The following MAPK8 variants were observed in gnomAD, a reference collection of about 807,000 sequenced individuals.
MAPK8 encodes the protein mitogen-activated protein kinase 8.
In MAPK8, 13 loss-of-function variants were observed where a neutral mutation model predicts 52.9. That is an observed-to-expected ratio of 0.25 (90% CI 0.16 to 0.39). The LOEUF is 0.39. MAPK8 is among the 10% of genes least tolerant of loss of function. MAPK8 has a pLI of 1.00. For missense variants in MAPK8, 300 were observed against 519.2 expected (o/e 0.58, Z 4.10); for synonymous variants, 191 against 169.8 (o/e 1.12, Z -0.97).
chr10:48,376,871 A>G lies in MAPK8; in HGVS notation c.-49-24741A>G, dbSNP rs983969675. ...ACCCAGCAATCCCATTACTGGTTAC[A>G]TACCCAAAGGATTATAAATCATTCT... is the stretch of plus-strand genomic sequence containing the variant. On this transcript the variant is annotated intron_variant, in intron 1 of 11. Transcript: ENST00000374189. Among the ~76,000 whole-genome samples, 4 of 152,240 alleles carry G rather than the reference A, an allele frequency of 2.6e-5. No individual in the cohort carries two copies. The East Asian group carries it at 7.7e-4, about 29-fold the overall frequency.
chr10:48,349,387 C>T (rs555555242), intron 1 of MAPK8, among the ~76,000 whole-genome samples: 29 of 152,300 alleles, frequency 1.9e-4, no homozygotes, highest in Admixed American at 5.9e-4. Context: ...AAACACTCCT[C>T]AGCAAATGCA....
chr10:48,420,352 C>A, intron 6 of MAPK8, 32 bp downstream of exon 6: 1 of 1,533,232 alleles, frequency 6.5e-7, no homozygotes, highest in Non-Finnish European at 8.8e-7. Flanking sequence ...AAATATTTTT[C>A]TGATTTAGCT....
chr10:48,415,945 A>G (rs961365162), intron 5 of MAPK8, among the ~76,000 whole-genome samples: 13 of 152,322 alleles, frequency 8.5e-5, no homozygotes, highest in African/African-American at 2.4e-4. Context: ...AATGAGATCT[A>G]CTGGGGTCTG....
chr10:48,407,945 C>T (rs1265494045), intron 3 of MAPK8, among the ~76,000 whole-genome samples: 2 of 152,134 alleles, frequency 1.3e-5, no homozygotes, highest in African/African-American at 4.8e-5. Context: ...GGTTGGTAGA[C>T]TTGAACTTAT....
chr10:48,337,255 C>T (rs1844777687), intron 1 of MAPK8, among the ~76,000 whole-genome samples: 1 of 152,128 alleles, frequency 6.6e-6, no homozygotes. Context: ...AGAAATCATA[C>T]CAAGCATCTG....
intron 1 of MAPK8, among the ~76,000 whole-genome samples, chr10:48,350,637 A>G (rs938653083): frequency 2.6e-5 from 4 of 152,240 alleles, no homozygotes; most frequent in Non-Finnish European, 5.9e-5. Flanking sequence ...AAAGCTGTTT[A>G]TGACAAACCC....
At chr10:48,353,430 C>T (rs1846534043) in intron 1 of MAPK8, among the ~76,000 whole-genome samples, 1 of 152,156 alleles carries the variant, frequency 6.6e-6, no homozygotes, top group Non-Finnish European at 1.5e-5. Flanking sequence ...AGAAATAGCT[C>T]CACACAAGTA....
At chr10:48,342,611 A>C (rs1324312724) in intron 1 of MAPK8, among the ~76,000 whole-genome samples, 7 of 152,198 alleles carry the variant, frequency 4.6e-5, no homozygotes, top group Non-Finnish European at 8.8e-5. Flanking sequence ...GGTAGCTTGA[A>C]ATGTAGTCGT....
Position 48,437,043 on chromosome 10 carries a change from A to C in MAPK8, c.*2014A>C, listed in dbSNP as rs562113759. 6.6e-6 allele frequency: 1 copy of C among 152,344 alleles called. No individual in the cohort carries two copies. Among genetic ancestry groups the C allele is most frequent in the East Asian group, 1.9e-4 (1 of 5,188 alleles). The allele number at this position is 152,344 out of a possible 1,614,324, so 9.4% of individuals were successfully genotyped here. On this transcript the variant is annotated 3_prime_UTR_variant, in exon 12 of 12. Transcript: ENST00000374189. ...TCATATTTTATGTTTGATTGCTGAT[A>C]AGCCATCTCTATTGATACAGATTTT...
At chr10:48,347,349 A>C (rs1162783747) in intron 1 of MAPK8, among the ~76,000 whole-genome samples, 1 of 152,258 alleles carries the variant, frequency 6.6e-6, no homozygotes, top group Non-Finnish European at 1.5e-5. Context: ...TAGAAAAGAC[A>C]GTTAATACAT....
intron 1 of MAPK8, among the ~76,000 whole-genome samples, chr10:48,324,557 A>G (rs1012297690): frequency 7.6e-6 from 1 of 132,234 alleles, no homozygotes; most frequent in Non-Finnish European, 1.6e-5. Context: ...AGACCAGGCC[A>G]TTTGTCATAT....
intron 1 of MAPK8, among the ~76,000 whole-genome samples, chr10:48,311,351 T>C (rs958753445): frequency 6.6e-6 from 1 of 152,210 alleles, no homozygotes; most frequent in African/African-American, 2.4e-5. Flanking sequence ...GATCATCTCA[T>C]GTAATCTGAA....
intron 5 of MAPK8, among the ~76,000 whole-genome samples, chr10:48,412,914 G>A (rs1218619109): frequency 6.6e-6 from 1 of 152,038 alleles, no homozygotes; most frequent in Non-Finnish European, 1.5e-5. Context: ...TTGTGAAGAT[G>A]CAACTCTCCA....
At chr10:48,370,961 A>G (rs1228002964) in intron 1 of MAPK8, among the ~76,000 whole-genome samples, 1 of 152,116 alleles carries the variant, frequency 6.6e-6, no homozygotes, top group Non-Finnish European at 1.5e-5. Context: ...GAAATAGAGA[A>G]AAGATGCTTA....
intron 5 of MAPK8, among the ~76,000 whole-genome samples, chr10:48,411,873 C>T (rs1302200665): frequency 6.8e-6 from 1 of 146,690 alleles, no homozygotes; most frequent in Non-Finnish European, 1.5e-5. Context: ...CCCTCCCCTC[C>T]CCTCCCCTCC....
intron 1 of MAPK8, among the ~76,000 whole-genome samples, chr10:48,314,166 A>C (rs1399875065): frequency 6.6e-6 from 1 of 152,092 alleles, no homozygotes; most frequent in African/African-American, 2.4e-5. Context: ...AGATTAGGCT[A>C]CTTAGTCAAT....
At chr10:48,388,757 G>C (rs898288586) in intron 1 of MAPK8, among the ~76,000 whole-genome samples, 1 of 152,126 alleles carries the variant, frequency 6.6e-6, no homozygotes, top group Non-Finnish European at 1.5e-5. Flanking sequence ...AGTGTCAGCA[G>C]TGACTGAAAC....
intron 1 of MAPK8, among the ~76,000 whole-genome samples, chr10:48,359,411 T>C (rs1304167872): frequency 6.6e-6 from 1 of 152,192 alleles, no homozygotes; most frequent in East Asian, 1.9e-4. Flanking sequence ...TTACACATAG[T>C]TTTGTAAGCT....
At chr10:48,385,568 T>G (rs922061421) in intron 1 of MAPK8, among the ~76,000 whole-genome samples, 3 of 152,178 alleles carry the variant, frequency 2.0e-5, no homozygotes, top group African/African-American at 4.8e-5. Flanking sequence ...ATTTTTGTTT[T>G]TAGTTTCTGG....
Sources: allele counts gnomAD v4.1 joint callset (sites outside exome capture counted in the v4.1 genomes callset), GRCh38; gene constraint gnomAD v4.1.1; transcripts MANE v1.5; gene names NCBI Gene and HGNC (gene_info 2026-07-23, HGNC 2026-07-21).